Variants in MGAT5 observed in about 807,000 individuals in gnomAD.
The protein encoded by MGAT5 is alpha-1,6-mannosylglycoprotein 6-beta-N-acetylglucosaminyltransferase A.
A neutral mutation model predicts 94.3 loss-of-function variants in MGAT5; 30 were observed. That is an observed-to-expected ratio of 0.32 (90% CI 0.24 to 0.43). The LOEUF is 0.43. Ranked by LOEUF, MGAT5 falls within the 20% of genes least tolerant of loss-of-function variation. The probability of loss-of-function intolerance (pLI) is 1.00; values close to 1 mark genes in which losing one functional copy is unlikely to be tolerated. For missense variants in MGAT5, 691 were observed against 905.5 expected (o/e 0.76, Z 3.04); for synonymous variants, 310 against 322.9 (o/e 0.96, Z 0.43).
intron 1 of MGAT5, among the ~76,000 whole-genome samples, chr2:134,172,390 TAA>T (rs1558969100): frequency 6.6e-6 from 1 of 151,398 alleles, no homozygotes; most frequent in Non-Finnish European, 1.5e-5. Flanking sequence ...TTTTTTTTTT[TAA>T]TTAATTATTT....
At chr2:134,199,978 A>G (rs1219061346) in intron 1 of MGAT5, among the ~76,000 whole-genome samples, 3 of 152,212 alleles carry the variant, frequency 2.0e-5, no homozygotes, top group Admixed American at 2.0e-4. Context: ...AAACAGTCTT[A>G]AAATCATTGA....
chr2:134,442,002 T>C (rs1481293898), intron 15 of MGAT5, 87 bp downstream of exon 15: 2 of 1,455,918 alleles, frequency 1.4e-6, no homozygotes, highest in African/African-American at 2.8e-5. Context: ...ACAGGTTTCC[T>C]CTTCCAAGCT....
At chr2:134,429,746 C>A (rs1436668981) in intron 14 of MGAT5, among the ~76,000 whole-genome samples, 1 of 152,192 alleles carries the variant, frequency 6.6e-6, no homozygotes, top group Non-Finnish European at 1.5e-5. Flanking sequence ...ATCTTTATCT[C>A]ATTCAGCCTT....
At chr2:134,401,166 T>C (rs1399814253) in intron 10 of MGAT5, among the ~76,000 whole-genome samples, 1 of 152,170 alleles carries the variant, frequency 6.6e-6, no homozygotes, top group Non-Finnish European at 1.5e-5. Flanking sequence ...GTCCCTCTTA[T>C]GACCGACTGT....
intron 2 of MGAT5, among the ~76,000 whole-genome samples, chr2:134,297,011 C>A (rs1685713473): frequency 6.6e-6 from 1 of 151,726 alleles, no homozygotes; most frequent in African/African-American, 2.4e-5. Flanking sequence ...TCAGCCTGGG[C>A]AACACAGTGA....
intron 1 of MGAT5, among the ~76,000 whole-genome samples, chr2:134,131,723 C>T (rs1686183723): frequency 6.6e-6 from 1 of 152,022 alleles, no homozygotes; most frequent in African/African-American, 2.4e-5. Flanking sequence ...CCCCCGCCCC[C>T]TTTTGGCTAT....
At chr2:134,331,160 T>G (rs1687947232) in intron 4 of MGAT5, among the ~76,000 whole-genome samples, 1 of 152,146 alleles carries the variant, frequency 6.6e-6, no homozygotes, top group South Asian at 2.1e-4. Flanking sequence ...ATTCACAATG[T>G]TCATGTTTAA....
chr2:134,222,568 G>A (rs1405514244), intron 1 of MGAT5, among the ~76,000 whole-genome samples: 1 of 152,280 alleles, frequency 6.6e-6, no homozygotes, highest in Non-Finnish European at 1.5e-5. Context: ...AAAGTGCCTG[G>A]TCCTTGGTGT....
In MGAT5 at chr2:134,254,543, G is replaced by A. The variant is rs141403771; in HGVS notation, c.140G>A (p.Arg47His). The A allele has an allele frequency of 4.2e-5, 67 of 1,614,070 alleles. No homozygotes were observed. The African/African-American group carries it at 4.9e-4, about 12-fold the overall frequency. ...RTQPESSSMLREQILDLSKRY... is the reference protein window; with the variant it reads ...RTQPESSSMLHEQILDLSKRY... ...CAGCCTGAAAGCAGCTCCATGCTGCGCGAGCAGATCCTGGACCTCAGCAAA... is the reference window on the plus strand; with the variant it reads ...CAGCCTGAAAGCAGCTCCATGCTGCACGAGCAGATCCTGGACCTCAGCAAA... The change falls in exon 1 of 16, where the codon CGC becomes CAC. Residue 47 changes from arginine (R) to histidine (H), a missense_variant. Arg to His is a conservative substitution (Grantham distance 29). Coordinates refer to ENST00000281923, the MANE Select transcript of MGAT5 (RefSeq NM_002410.5).
chr2:134,415,156 T>C (rs1249478822), intron 12 of MGAT5, among the ~76,000 whole-genome samples: 1 of 152,236 alleles, frequency 6.6e-6, no homozygotes, highest in African/African-American at 2.4e-5. Flanking sequence ...CTGGATTATG[T>C]GGAGTTCTAT....
At chr2:134,267,105 A>C (rs3791274) in intron 1 of MGAT5, among the ~76,000 whole-genome samples, 21,939 of 152,072 alleles carry the variant, frequency 0.14, 2,548 homozygotes, top group East Asian at 0.36. Context: ...ATATGTTGTT[A>C]CACAAACACA....
chr2:134,266,868 C>A lies in MGAT5; in HGVS notation c.242-3518C>A, dbSNP rs138434797. ...CTTTCATATTGGGAGAGAAAACATG[C>A]CTACCTAGGTAAAGTGCTTAGAGAA... On this transcript the variant is annotated intron_variant, in intron 1 of 15. Coordinates refer to ENST00000281923, the MANE Select transcript of MGAT5 (RefSeq NM_002410.5). 1.6e-3 allele frequency among the ~76,000 whole-genome samples: 251 copies of A among 152,300 alleles called. 3 individuals carry two copies. Among genetic ancestry groups the A allele is most frequent in the African/African-American group, 5.4e-3 (226 of 41,554 alleles).
chr2:134,205,310 C>T (rs756858312), intron 1 of MGAT5, among the ~76,000 whole-genome samples: 1 of 152,060 alleles, frequency 6.6e-6, no homozygotes, highest in African/African-American at 2.4e-5. Flanking sequence ...GGCAGGAAGA[C>T]GAGCTAGGAG....
intron 14 of MGAT5, among the ~76,000 whole-genome samples, chr2:134,433,765 C>T (rs1558883985): frequency 1.3e-5 from 2 of 152,080 alleles, no homozygotes; most frequent in South Asian, 2.1e-4. Flanking sequence ...CAATATGTGC[C>T]TTATCCCTCA....
intron 2 of MGAT5, among the ~76,000 whole-genome samples, chr2:134,305,250 G>T (rs537726254): frequency 2.6e-5 from 4 of 152,100 alleles, no homozygotes; most frequent in African/African-American, 9.7e-5. Flanking sequence ...TATGCGAGAC[G>T]GTGAAAACAA....
intron 1 of MGAT5, among the ~76,000 whole-genome samples, chr2:134,173,876 A>G (rs368766783): frequency 2.0e-5 from 3 of 152,358 alleles, no homozygotes; most frequent in South Asian, 2.1e-4. Context: ...CGTGGCCTCT[A>G]CACGCTTTCT....
In MGAT5 at chr2:134,452,893, T is replaced by C. The variant is rs568012292; in HGVS notation, c.*4046T>C. ...ATGCTCATTTAGGAAGCTGGGAGTT[T>C]CGTGAAGCTGAGGGTGAGTTCCTGT... On this transcript the variant is annotated 3_prime_UTR_variant, in exon 16 of 16. Coordinates refer to ENST00000281923, the MANE Select transcript of MGAT5 (RefSeq NM_002410.5). 3 of 152,380 alleles carry C rather than the reference T, an allele frequency of 2.0e-5. No individual in the cohort carries two copies. Among genetic ancestry groups the C allele is most frequent in the African/African-American group, 7.2e-5 (3 of 41,588 alleles). 9.4% of individuals were successfully genotyped at this position (152,380 alleles called of 1,614,324 possible). A position where few individuals can be genotyped will look rare whatever the true frequency, so the allele number is the denominator to read the frequency against.
intron 8 of MGAT5, among the ~76,000 whole-genome samples, chr2:134,348,599 A>G (rs576244631): frequency 6.6e-6 from 1 of 152,338 alleles, no homozygotes; most frequent in South Asian, 2.1e-4. Flanking sequence ...CTTTTCTGAT[A>G]GTAGGAAAAA....
chr2:134,265,597 T>C (rs1223550313), intron 1 of MGAT5, among the ~76,000 whole-genome samples: 1 of 152,256 alleles, frequency 6.6e-6, no homozygotes, highest in Non-Finnish European at 1.5e-5. Flanking sequence ...TGATCTCGTC[T>C]TCATCATGTA....
Sources: allele counts gnomAD v4.1 joint callset (sites outside exome capture counted in the v4.1 genomes callset), GRCh38; gene constraint gnomAD v4.1.1; transcripts MANE v1.5; gene names NCBI Gene and HGNC (gene_info 2026-07-23, HGNC 2026-07-21).